Variants in LMNB1 observed in about 807,000 individuals in gnomAD.
LMNB1 encodes the protein lamin-B1.
LMNB1 carries 23 observed loss-of-function variants against 67.1 expected under a neutral mutation model. That is an observed-to-expected ratio of 0.34 (90% CI 0.25 to 0.49). The LOEUF (loss-of-function observed/expected upper bound fraction) is 0.49, where lower values mean the gene tolerates loss of function less well. Ranked by LOEUF, LMNB1 falls within the 20% of genes least tolerant of loss-of-function variation. The pLI, the probability that LMNB1 is intolerant of heterozygous loss-of-function variation, is 0.99. For synonymous variants in LMNB1, 281 were observed against 282.9 expected, an observed-to-expected ratio of 0.99 and a Z score of 0.07; for missense variants, 634 against 746.5, an observed-to-expected ratio of 0.85 and a Z score of 1.76.
rs1054169278 is a variant in LMNB1 at position 126,824,388 on chromosome 5, CT to C, written c.1491+1513del. Among the ~76,000 whole-genome samples the C allele has an allele frequency of 2.2e-4, 33 of 148,854 alleles. No individual in the cohort carries two copies. In the South Asian group the frequency reaches 2.6e-3, roughly 12 times the overall value. On this transcript the variant is annotated intron_variant, in intron 8 of 10. Coordinates refer to ENST00000261366, the MANE Select transcript of LMNB1 (RefSeq NM_005573.4). ...CTAAAAAGTCAGATATTTTTACATT[CT>C]TTTTTTTTTATGTTTAGCTAAGTCT... is the stretch of plus-strand genomic sequence containing the variant.
chr5:126,785,044 A>G (rs1298589289), intron 1 of LMNB1, among the ~76,000 whole-genome samples: 1 of 151,346 alleles, frequency 6.6e-6, no homozygotes, highest in Non-Finnish European at 1.5e-5. Flanking sequence ...CAGTGGCACA[A>G]CCTTGGCTCA....
intron 5 of LMNB1, 127 bp downstream of exon 5, chr5:126,812,025 C>A (rs1429777482): frequency 7.0e-6 from 6 of 855,096 alleles, no homozygotes; most frequent in Non-Finnish European, 1.1e-5. Context: ...TCATCCTGTG[C>A]TTTCGTCTTC....
intron 5 of LMNB1, among the ~76,000 whole-genome samples, chr5:126,817,065 T>TC (rs1751728795): frequency 1.3e-5 from 1 of 76,242 alleles, no homozygotes; most frequent in South Asian, 4.6e-4. Context: ...ATTTATCCAT[T>TC]CCCCGTTTGT....
At chr5:126,804,540 T>G (rs1450527462) in intron 1 of LMNB1, among the ~76,000 whole-genome samples, 2 of 152,172 alleles carry the variant, frequency 1.3e-5, no homozygotes, top group African/African-American at 2.4e-5. Flanking sequence ...TCTGGTACAT[T>G]GGTCTTTAAT....
intron 4 of LMNB1, 102 bp downstream of exon 4, chr5:126,810,452 A>G: frequency 1.1e-6 from 1 of 916,594 alleles, no homozygotes; most frequent in Non-Finnish European, 1.6e-6. Context: ...GTTTTTAAAA[A>G]TGATTCCCCT....
intron 1 of LMNB1, among the ~76,000 whole-genome samples, chr5:126,787,546 A>ATATATATATATATATATATATATATTT: frequency 1.5e-5 from 1 of 65,584 alleles, no homozygotes. Context: ...ATATATATAT[A>ATATATATATATATATATATATATATTT]TTTTTTTTTT....
intron 1 of LMNB1, among the ~76,000 whole-genome samples, chr5:126,800,882 C>T (rs1330625092): frequency 7.2e-6 from 1 of 138,206 alleles, no homozygotes; most frequent in African/African-American, 2.7e-5. Context: ...GACCTCCCAA[C>T]CTCAGGTGAT....
At chr5:126,777,037 C>A (rs1395785863), upstream of LMNB1, 1 of 154,634 alleles carries the variant, frequency 6.5e-6, no homozygotes, top group African/African-American at 2.4e-5. Context: ...CGGGGCGTGC[C>A]GGCCATGTTG....
At chr5:126,784,987 A>G (rs949192031) in intron 1 of LMNB1, among the ~76,000 whole-genome samples, 7 of 143,256 alleles carry the variant, frequency 4.9e-5, no homozygotes, top group African/African-American at 1.3e-4. Context: ...TAATTTTATT[A>G]TTATTATTTT....
intron 2 of LMNB1, among the ~76,000 whole-genome samples, chr5:126,805,218 G>C (rs1018236409): frequency 3.3e-5 from 5 of 152,208 alleles, no homozygotes; most frequent in Admixed American, 6.5e-5. Context: ...TATTTTGTTA[G>C]TTAGGAAATA....
At position 126,777,834 on chromosome 5, in the gene LMNB1, A is replaced by G. The variant is rs1273057027; in HGVS notation, c.326A>G (p.Lys109Arg). 6.9e-7 allele frequency: 1 copy of G among 1,458,744 alleles called. No homozygotes were observed. The highest frequency in any genetic ancestry group is 9.1e-7 in the Non-Finnish European group (1 of 1,103,202). The allele number at this position is 1,458,744 out of a possible 1,614,324, so 90.4% of individuals were successfully genotyped here. A position where few individuals can be genotyped will look rare whatever the true frequency, so the allele number is the denominator to read the frequency against. ...ERAKLQIELG[K>R]CKAEHDQLLL... ...GCCAAGCTGCAGATCGAGCTGGGCAAGTGCAAGGCGGAACACGACCAGCTG... is the reference window on the plus strand; with the variant it reads ...GCCAAGCTGCAGATCGAGCTGGGCAGGTGCAAGGCGGAACACGACCAGCTG... The change falls in exon 1 of 11, where the codon AAG (lysine) becomes AGG (arginine). Residue 109 changes from lysine (K) to arginine (R), a missense_variant. Lys to Arg is a conservative substitution (Grantham distance 26). Coordinates refer to ENST00000261366, the MANE Select transcript of LMNB1 (RefSeq NM_005573.4).
In LMNB1 at chr5:126,836,103, G is replaced by A. The variant is rs970511151; in HGVS notation, c.1720-120G>A. 14 of 711,240 alleles carry A rather than the reference G, an allele frequency of 2.0e-5. No individual in the cohort carries two copies. The African/African-American group carries it at 2.5e-4, about 13-fold the overall frequency. 44.1% of individuals were successfully genotyped at this position (711,240 alleles called of 1,614,324 possible). ...TTAGAAAAGATGAGAGATGATAAAG[G>A]GTCCATTTGAGGTTAGGTAATATGG... On this transcript the variant is annotated intron_variant, in intron 10 of 10. Transcript: ENST00000261366.
At chr5:126,808,582 C>T (rs574437338) in intron 3 of LMNB1, among the ~76,000 whole-genome samples, 2 of 151,790 alleles carry the variant, frequency 1.3e-5, no homozygotes, top group East Asian at 1.9e-4. Context: ...AGGAGAAAGA[C>T]GAAAGAGGAA....
chr5:126,826,975 G>T (rs1752012176), intron 9 of LMNB1, among the ~76,000 whole-genome samples: 1 of 151,698 alleles, frequency 6.6e-6, no homozygotes, highest in East Asian at 1.9e-4. Flanking sequence ...CTGTAAGTTG[G>T]CTTGCAAGGA....
In LMNB1 at chr5:126,791,468, C is replaced by CT. The variant is rs1170580250; in HGVS notation, c.360-13300dup. On this transcript the variant is annotated intron_variant, in intron 1 of 10. Coordinates refer to ENST00000261366, the MANE Select transcript of LMNB1 (RefSeq NM_005573.4). ...CTAATAGCTTCTTTTTATTCTGTCT[C>CT]TTTTTTTTAAAGATAGGGTCTTACC... Among the ~76,000 whole-genome samples the CT allele has an allele frequency of 8.1e-4, 123 of 151,800 alleles. 4 individuals carry two copies. The highest frequency in any genetic ancestry group is 2.9e-3 in the African/African-American group (118 of 41,326).
intron 1 of LMNB1, among the ~76,000 whole-genome samples, chr5:126,782,438 A>T (rs1750655025): frequency 6.6e-6 from 1 of 152,232 alleles, no homozygotes; most frequent in Admixed American, 6.5e-5. Flanking sequence ...GTGGAGAAAG[A>T]CAGATTGAAA....
intron 1 of LMNB1, among the ~76,000 whole-genome samples, chr5:126,780,376 G>A (rs1345680539): frequency 6.6e-6 from 1 of 152,188 alleles, no homozygotes; most frequent in African/African-American, 2.4e-5. Context: ...TTTGATGCTG[G>A]CGCTTTTGTA....
chr5:126,808,617 C>T (rs1454753368), intron 3 of LMNB1, among the ~76,000 whole-genome samples: 1 of 151,924 alleles, frequency 6.6e-6, no homozygotes, highest in African/African-American at 2.4e-5. Flanking sequence ...AAGAACAAAC[C>T]ATTAGCAGTC....
Position 126,818,960 on chromosome 5 carries a change from C to T in LMNB1, c.978C>T (p.Asp326=). 6.2e-7 allele frequency: 1 copy of T among 1,614,088 alleles called. No individual in the cohort carries two copies. The highest frequency in any genetic ancestry group is 8.5e-7 in the Non-Finnish European group (1 of 1,179,958). ...TGGAAAGGATTCAAGAATTAGAGGA[C>T]TTGCTTGCTAAAGAAAAAGACAACT... The part of the protein sequence containing the change: ...ACLERIQELE[D]LLAKEKDNSR... The change falls in exon 6 of 11, where the codon GAC becomes GAT. Residue 326 remains aspartate, a synonymous_variant. Transcript: ENST00000261366.
Sources: allele counts gnomAD v4.1 joint callset (sites outside exome capture counted in the v4.1 genomes callset), GRCh38; gene constraint gnomAD v4.1.1; transcripts MANE v1.5; gene names NCBI Gene and HGNC (gene_info 2026-07-23, HGNC 2026-07-21).